NAALADL2: variants seen among roughly 807,000 people sequenced by gnomAD.
NAALADL2 encodes the protein inactive N-acetylated-alpha-linked acidic dipeptidase-like protein 2.
NAALADL2 carries 76 observed loss-of-function variants against 87.2 expected under a neutral mutation model. The observed-to-expected ratio is 0.87, with a 90% CI of 0.72 to 1.05. The LOEUF is 1.05. Ranked by LOEUF, NAALADL2 falls within the 50% of genes least tolerant of loss-of-function variation. The pLI, the probability that NAALADL2 is intolerant of heterozygous loss-of-function variation, is 0.00. For synonymous variants in NAALADL2, 354 were observed against 331.0 expected (o/e 1.07, Z -0.75); for missense variants, 1,089 against 945.8 (o/e 1.15, Z -1.99).
At chr3:175,240,316 A>G (rs1298913392) in intron 3 of NAALADL2, among the ~76,000 whole-genome samples, 1 of 152,254 alleles carries the variant, frequency 6.6e-6, no homozygotes, top group Non-Finnish European at 1.5e-5. Context: ...TGAGCACTGT[A>G]TCAAATATTT....
intron 11 of NAALADL2, chr3:175,718,196 T>TTG: frequency 3.0e-6 from 1 of 338,494 alleles, no homozygotes; most frequent in Non-Finnish European, 4.2e-6. Context: ...GGGCCTGTGG[T>TTG]TTTTTTTTTT....
At chr3:175,767,382 CA>C (rs1160329593) in intron 13 of NAALADL2, among the ~76,000 whole-genome samples, 13 of 152,080 alleles carry the variant, frequency 8.5e-5, no homozygotes, top group African/African-American at 3.1e-4. Context: ...AAAACTGCAA[CA>C]AACCCTCAAA....
chr3:175,718,231 T>G, intron 11 of NAALADL2: 3 of 1,039,028 alleles, frequency 2.9e-6, no homozygotes, highest in Non-Finnish European at 4.2e-6. Context: ...TTTGATTAGT[T>G]GCTGTAACAC....
At chr3:174,475,121 C>T (rs995628798) in intron 1 of NAALADL2, among the ~76,000 whole-genome samples, 4 of 150,626 alleles carry the variant, frequency 2.7e-5, no homozygotes, top group Non-Finnish European at 5.9e-5. Flanking sequence ...AAATAGGTCC[C>T]AACTGGAAAT....
chr3:174,554,267 A>G (rs978352140), intron 2 of NAALADL2, among the ~76,000 whole-genome samples: 2 of 152,112 alleles, frequency 1.3e-5, no homozygotes, highest in Non-Finnish European at 1.5e-5. Flanking sequence ...TGGTTTTGTA[A>G]CTTGATTTTT....
chr3:174,516,912 G>A (rs886383294), intron 1 of NAALADL2, among the ~76,000 whole-genome samples: 1 of 151,566 alleles, frequency 6.6e-6, no homozygotes, highest in Non-Finnish European at 1.5e-5. Context: ...AAGAATTTTG[G>A]AAAAAATAAA....
intron 2 of NAALADL2, among the ~76,000 whole-genome samples, chr3:174,598,401 T>G (rs575694704): frequency 2.0e-5 from 3 of 152,280 alleles, no homozygotes; most frequent in Non-Finnish European, 1.5e-5. Context: ...CAGTGGAAAT[T>G]GTCACTTAAT....
chr3:174,441,220 A>T (rs993222035), intron 1 of NAALADL2, among the ~76,000 whole-genome samples: 3 of 151,658 alleles, frequency 2.0e-5, no homozygotes, highest in Non-Finnish European at 4.4e-5. Flanking sequence ...ACGGGGGCCG[A>T]GGGGCGCCCG....
At chr3:175,318,081 TAACA>T (rs1309113929) in intron 4 of NAALADL2, among the ~76,000 whole-genome samples, 2 of 152,150 alleles carry the variant, frequency 1.3e-5, no homozygotes, top group Admixed American at 6.5e-5. Context: ...GTTATATGAC[TAACA>T]GTCAGGGATT....
At chr3:175,541,984 G>C (rs1014660332) in intron 9 of NAALADL2, among the ~76,000 whole-genome samples, 24 of 152,160 alleles carry the variant, frequency 1.6e-4, no homozygotes, top group African/African-American at 5.8e-4. Context: ...CTCCCAAAGT[G>C]TTAATTGTAA....
chr3:175,466,919 T>C, intron 7 of NAALADL2, 60 bp from the exon 8 acceptor site: 1 of 1,318,788 alleles, frequency 7.6e-7, no homozygotes, highest in South Asian at 1.2e-5. Context: ...GTAAATGTCA[T>C]TAAATTTATT....
chr3:175,357,160 T>C (rs1048132117), intron 5 of NAALADL2, among the ~76,000 whole-genome samples: 1 of 152,192 alleles, frequency 6.6e-6, no homozygotes, highest in African/African-American at 2.4e-5. Context: ...CTTGCTTTCA[T>C]AGACATCTTC....
intron 5 of NAALADL2, among the ~76,000 whole-genome samples, chr3:175,333,844 A>G (rs1761684883): frequency 6.6e-6 from 1 of 152,332 alleles, no homozygotes; most frequent in Non-Finnish European, 1.5e-5. Flanking sequence ...AATGTTCCCA[A>G]TGTACAGAAA....
At chr3:174,993,417 C>T (rs1001697127) in intron 1 of NAALADL2, among the ~76,000 whole-genome samples, 1 of 151,998 alleles carries the variant, frequency 6.6e-6, no homozygotes, top group Non-Finnish European at 1.5e-5. Context: ...CTCATGGAGC[C>T]TCTCTTCAAG....
intron 1 of NAALADL2, among the ~76,000 whole-genome samples, chr3:174,443,050 G>C (rs1342864731): frequency 1.3e-5 from 2 of 152,138 alleles, no homozygotes; most frequent in African/African-American, 4.8e-5. Flanking sequence ...TGTCATAGGG[G>C]CCAGATAGTA....
chr3:175,012,410 C>T (rs915937876), intron 1 of NAALADL2, among the ~76,000 whole-genome samples: 2 of 152,054 alleles, frequency 1.3e-5, no homozygotes, highest in African/African-American at 4.8e-5. Context: ...TCAGGTGATC[C>T]GCCCACAACG....
At chr3:175,698,483 T>TTATATATTTATATATATA (rs1738472644) in intron 11 of NAALADL2, among the ~76,000 whole-genome samples, 1 of 67,774 alleles carries the variant, frequency 1.5e-5, no homozygotes. Flanking sequence ...GTATATATAT[T>TTATATATTTATATATATA]TATATATATA....
chr3:175,010,570 G>T (rs912361727), intron 1 of NAALADL2, among the ~76,000 whole-genome samples: 1 of 152,078 alleles, frequency 6.6e-6, no homozygotes, highest in African/African-American at 2.4e-5. Context: ...TATCTCACAG[G>T]GTAAAAATGG....
At chr3:175,572,810 A>G (rs1329551025) in intron 9 of NAALADL2, among the ~76,000 whole-genome samples, 3 of 152,064 alleles carry the variant, frequency 2.0e-5, no homozygotes, top group African/African-American at 7.2e-5. Context: ...AGTCCCAGCT[A>G]TTCAGGAGGC....
Sources: allele counts gnomAD v4.1 joint callset (sites outside exome capture counted in the v4.1 genomes callset), GRCh38; gene constraint gnomAD v4.1.1; transcripts MANE v1.5; gene names NCBI Gene and HGNC (gene_info 2026-07-23, HGNC 2026-07-21).